The following GRAMD4 variants were observed in gnomAD, a reference collection of about 807,000 sequenced individuals.
GRAMD4 encodes the protein GRAM domain containing 4.
GRAMD4 carries 25 observed loss-of-function variants against 83.9 expected under a neutral mutation model. The ratio of observed to expected loss-of-function variants is 0.30; its 90% CI spans 0.22 to 0.42. GRAMD4 has a LOEUF of 0.42. GRAMD4 is among the 10% of genes least tolerant of loss of function. The pLI is 1.00. For missense variants in GRAMD4, 593 were observed against 788.7 expected (o/e 0.75, Z 2.97); for synonymous variants, 336 against 320.9 (o/e 1.05, Z -0.50).
At chr22:46,638,009 G>A in intron 3 of GRAMD4, 49 bp downstream of exon 3, 1 of 1,596,470 alleles carries the variant, frequency 6.3e-7, no homozygotes, top group Non-Finnish European at 8.6e-7. Flanking sequence ...TGGGTCAGGG[G>A]TGGCTGAGAT....
At position 46,587,865 on chromosome 22, in the gene GRAMD4, C is replaced by G. The variant is rs778364427; in HGVS notation, c.-50+10575C>G. ...GAAACAGGCGTGTGCGCCAGAAGCC[C>G]GGGCGTCGGGGTGGGGCCGCGGGAG... On this transcript the variant is annotated intron_variant, in intron 1 of 1. Coordinates refer to the GRAMD4 transcript ENST00000431155. 8.2e-6 allele frequency: 8 copies of G among 979,492 alleles called. No homozygotes were observed. The Admixed American group carries it at 4.9e-4, about 60-fold the overall frequency. The allele number at this position is 979,492 out of a possible 1,614,324, so 60.7% of individuals were successfully genotyped here. A position where few individuals can be genotyped will look rare whatever the true frequency, so the allele number is the denominator to read the frequency against.
At chr22:46,644,694 C>T (rs1000147626) in intron 3 of GRAMD4, among the ~76,000 whole-genome samples, 3 of 121,772 alleles carry the variant, frequency 2.5e-5, no homozygotes, top group Non-Finnish European at 5.0e-5. Context: ...CCACTTGTTC[C>T]CTGTTTTTTT....
chr22:46,579,131 G>A (rs1310507201), intron 1 of GRAMD4, among the ~76,000 whole-genome samples: 3 of 152,364 alleles, frequency 2.0e-5, no homozygotes, highest in Non-Finnish European at 4.4e-5. Context: ...CCAAGTTGTG[G>A]TGTGTTTCCA....
intron 1 of GRAMD4, among the ~76,000 whole-genome samples, chr22:46,612,575 C>T (rs2081428549): frequency 6.6e-6 from 1 of 152,264 alleles, no homozygotes; most frequent in Non-Finnish European, 1.5e-5. Context: ...TGGTGTAAGC[C>T]TGGACTGTGG....
chr22:46,678,019 T>C lies in GRAMD4; in HGVS notation c.*768T>C. 1 of 985,670 alleles carries C rather than the reference T, an allele frequency of 1.0e-6. No homozygotes were observed. Among genetic ancestry groups the C allele is most frequent in the South Asian group, 4.7e-5 (1 of 21,286 alleles). 61.1% of individuals were successfully genotyped at this position (985,670 alleles called of 1,614,324 possible). On this transcript the variant is annotated 3_prime_UTR_variant, in exon 19 of 19. Transcript: ENST00000406902. ...CCTGACACGCCGGCCAGGAGGTCTG[T>C]AGCTGGGGACCAGTAAGGGCACAGG...
chr22:46,580,465 G>C (rs1313806801), intron 1 of GRAMD4, among the ~76,000 whole-genome samples: 2 of 152,238 alleles, frequency 1.3e-5, no homozygotes, highest in Non-Finnish European at 2.9e-5. Flanking sequence ...CGTCAGGTGT[G>C]GCTGGGGGGT....
At chr22:46,576,355 T>G (rs2081042554), upstream of GRAMD4, among the ~76,000 whole-genome samples, 1 of 151,702 alleles carries the variant, frequency 6.6e-6, no homozygotes, top group Non-Finnish European at 1.5e-5. Flanking sequence ...TCCTGTGAGC[T>G]AGACAGCCTT....
intron 3 of GRAMD4, among the ~76,000 whole-genome samples, chr22:46,657,328 G>A (rs2082258601): frequency 6.6e-6 from 1 of 152,244 alleles, no homozygotes; most frequent in Non-Finnish European, 1.5e-5. Context: ...GGGCAGTGGG[G>A]GAGAAGCAAG....
intron 9 of GRAMD4, 53 bp downstream of exon 9, chr22:46,665,759 G>T: frequency 1.0e-6 from 1 of 970,436 alleles, no homozygotes; most frequent in Non-Finnish European, 1.7e-6. Flanking sequence ...GTATGGCTGT[G>T]CTGTCTCCCT....
chr22:46,674,875 G>C (rs566494003), intron 16 of GRAMD4, 125 bp downstream of exon 16: 1 of 722,090 alleles, frequency 1.4e-6, no homozygotes, highest in East Asian at 2.6e-5. Flanking sequence ...CCTCTCCCAT[G>C]CTCTGCTCTT....
Position 46,678,272 on chromosome 22 carries a change from C to T in GRAMD4, c.*1021C>T. On this transcript the variant is annotated 3_prime_UTR_variant, in exon 19 of 19. Transcript: ENST00000406902. ...GGGCCATCCGAGAGGCTCTGGCAGCCCCTGTGCTTTAGGGAGCAACCGTGA... is the reference window on the plus strand; with the variant it reads ...GGGCCATCCGAGAGGCTCTGGCAGCTCCTGTGCTTTAGGGAGCAACCGTGA... 1 of 985,486 alleles carries T rather than the reference C, an allele frequency of 1.0e-6. No individual in the cohort carries two copies. The highest frequency in any genetic ancestry group is 1.2e-6 in the Non-Finnish European group (1 of 829,956). 61.0% of individuals were successfully genotyped at this position (985,486 alleles called of 1,614,324 possible). A position where few individuals can be genotyped will look rare whatever the true frequency, so the allele number is the denominator to read the frequency against.
chr22:46,577,312 C>G (rs2081051298), intron 1 of GRAMD4: 1 of 979,778 alleles, frequency 1.0e-6, no homozygotes, highest in Non-Finnish European at 1.2e-6. Context: ...GCGCGGACAC[C>G]CACCTACCCC....
In GRAMD4 at chr22:46,676,742, A is replaced by C. The variant is rs1037869052; in HGVS notation, c.1632+74A>C. On this transcript the variant is annotated intron_variant, in intron 18 of 18. Transcript: ENST00000406902. ...CCTGACTCTGAGCAACCCTGGGACCAGCGTGGGGCAGACAGCCAGAGTTTT... is the reference window on the plus strand; with the variant it reads ...CCTGACTCTGAGCAACCCTGGGACCCGCGTGGGGCAGACAGCCAGAGTTTT... 130 of 1,313,748 alleles carry C rather than the reference A, an allele frequency of 9.9e-5. No individual in the cohort carries two copies. The Middle Eastern group carries it at 1.0e-3, about 10-fold the overall frequency. The allele number at this position is 1,313,748 out of a possible 1,614,324, so 81.4% of individuals were successfully genotyped here.
In GRAMD4 at chr22:46,678,290, A is replaced by G. The variant is rs1367537139; in HGVS notation, c.*1039A>G. 4.1e-5 allele frequency: 40 copies of G among 985,348 alleles called. No individual in the cohort carries two copies. Among genetic ancestry groups the G allele is most frequent in the Non-Finnish European group, 4.6e-5 (38 of 829,948 alleles). 61.0% of individuals were successfully genotyped at this position (985,348 alleles called of 1,614,324 possible). On this transcript the variant is annotated 3_prime_UTR_variant, in exon 19 of 19. Coordinates refer to ENST00000406902, the MANE Select transcript of GRAMD4 (RefSeq NM_015124.5). The stretch of plus-strand genomic sequence containing the variant: ...TGGCAGCCCCTGTGCTTTAGGGAGC[A>G]ACCGTGAGCCGAGCCCAGAGGCCTG...
intron 16 of GRAMD4, among the ~76,000 whole-genome samples, chr22:46,675,177 C>T (rs561524654): frequency 2.0e-5 from 3 of 150,914 alleles, no homozygotes; most frequent in Non-Finnish European, 4.4e-5. Context: ...GTGAGTGTCT[C>T]ACTCAGAGCA....
At chr22:46,642,718 T>C (rs2081989799) in intron 3 of GRAMD4, among the ~76,000 whole-genome samples, 1 of 152,228 alleles carries the variant, frequency 6.6e-6, no homozygotes, top group Admixed American at 6.5e-5. Flanking sequence ...TGCATTTGTT[T>C]CTTTTCACCT....
At chr22:46,635,461 TCCTCCCTGCCCCC>T (rs1302465259) in intron 2 of GRAMD4, among the ~76,000 whole-genome samples, 13 of 109,628 alleles carry the variant, frequency 1.2e-4, no homozygotes, top group Non-Finnish European at 2.4e-4. Context: ...GGAGGCCGTG[TCCTCCCTGCCCCC>T]ACCCCTGGCC....
chr22:46,654,515 G>A lies in GRAMD4; in HGVS notation c.284-3672G>A, dbSNP rs778795539. ...GGCCCTCAAGTGGCTCCACGAGGGCGGGGGGCTGGGGGCTCGTGCCACATG... is the reference window on the plus strand; with the variant it reads ...GGCCCTCAAGTGGCTCCACGAGGGCAGGGGGCTGGGGGCTCGTGCCACATG... On this transcript the variant is annotated intron_variant, in intron 3 of 18. Coordinates refer to ENST00000406902, the MANE Select transcript of GRAMD4 (RefSeq NM_015124.5). Among the ~76,000 whole-genome samples, 7 of 152,350 alleles carry A rather than the reference G, an allele frequency of 4.6e-5. No homozygotes were observed. In the East Asian group the frequency reaches 5.8e-4, roughly 13 times the overall value.
intron 1 of GRAMD4, among the ~76,000 whole-genome samples, chr22:46,603,806 C>T (rs12053764): frequency 0.2 from 29,975 of 151,942 alleles, 3,574 homozygotes; most frequent in East Asian, 0.32. Context: ...GTGACCACCG[C>T]GCCCAGCCTC....
Sources: gnomAD v4.1 joint callset for allele counts (sites outside exome capture counted in the v4.1 genomes callset) on GRCh38, gnomAD v4.1.1 for gene constraint, MANE v1.5 for transcripts, NCBI Gene and HGNC (gene_info 2026-07-23, HGNC 2026-07-21) for gene names.